The following ZNF135 variants were observed in gnomAD, a reference collection of about 807,000 sequenced individuals.
ZNF135 encodes the protein zinc finger protein 135 (clone pHZ-17).
In ZNF135, 11 loss-of-function variants were observed where a neutral mutation model predicts 12.3. That is an observed-to-expected ratio of 0.89 (90% CI 0.56 to 1.48). The LOEUF is 1.48. ZNF135 is among the 40% of genes most tolerant of loss of function. ZNF135 has a pLI of 0.00. For missense variants in ZNF135, 722 were observed against 815.7 expected (o/e 0.89, Z 1.40); for synonymous variants, 316 against 312.0 (o/e 1.01, Z -0.14).
chr19:58,062,891 G>T (rs1028482471), intron 3 of ZNF135, among the ~76,000 whole-genome samples: 19 of 151,702 alleles, frequency 1.3e-4, no homozygotes, highest in Non-Finnish European at 2.8e-4. Context: ...GGTCCTTGCT[G>T]TGTTGCCCAG....
intron 4 of ZNF135, among the ~76,000 whole-genome samples, chr19:58,064,846 C>T (rs1188079120): frequency 1.3e-5 from 2 of 152,096 alleles, no homozygotes; most frequent in African/African-American, 2.4e-5. Context: ...GCCAAGATCA[C>T]GCCACTGTGC....
Position 58,059,388 on chromosome 19 carries a change from T to C in ZNF135, c.-35+78T>C, listed in dbSNP as rs1438174459. On this transcript the variant is annotated intron_variant, in intron 1 of 4. Transcript: ENST00000313434. The surrounding 1 kb of genome is among the most constrained non-coding windows in gnomAD (Gnocchi z 6.5). Reference sequence around the variant, plus strand: ...GCCGGGTGCGGGGGGTCCGGGGATCTTCCTGAGGCCCTGGCGGGGCGAGTT... The same window carrying C: ...GCCGGGTGCGGGGGGTCCGGGGATCCTCCTGAGGCCCTGGCGGGGCGAGTT... 2.4e-6 allele frequency: 2 copies of C among 840,760 alleles called. No individual in the cohort carries two copies. Among genetic ancestry groups the C allele is most frequent in the East Asian group, 3.0e-5 (1 of 33,234 alleles). The allele number at this position is 840,760 out of a possible 1,614,324, so 52.1% of individuals were successfully genotyped here. A position where few individuals can be genotyped will look rare whatever the true frequency, so the allele number is the denominator to read the frequency against.
At position 58,063,577 on chromosome 19, in the gene ZNF135, G is replaced by A. The variant is rs1189603757; in HGVS notation, c.256+36G>A. Reference sequence around the variant, plus strand: ...AGCCCTTCGGGGCAGAGAGAAGCCTGTCCATGCTTGCTTCCTGGTTTCTCC... The same window carrying A: ...AGCCCTTCGGGGCAGAGAGAAGCCTATCCATGCTTGCTTCCTGGTTTCTCC... On this transcript the variant is annotated intron_variant, in intron 4 of 4. Transcript: ENST00000313434. The surrounding 1 kb of genome is among the most constrained non-coding windows in gnomAD (Gnocchi z 4.4). The A allele has an allele frequency of 1.2e-6, 2 of 1,612,168 alleles. No individual in the cohort carries two copies. Among genetic ancestry groups the A allele is most frequent in the Non-Finnish European group, 1.7e-6 (2 of 1,178,980 alleles).
chr19:58,060,092 C>T lies in ZNF135; in HGVS notation c.33+57C>T, dbSNP rs1568610728. The T allele has an allele frequency of 6.2e-7, 1 of 1,608,856 alleles. No homozygotes were observed. The highest frequency in any genetic ancestry group is 8.5e-7 in the Non-Finnish European group (1 of 1,179,390). On this transcript the variant is annotated intron_variant, in intron 2 of 4. Coordinates refer to ENST00000313434, the MANE Select transcript of ZNF135 (RefSeq NM_001289401.2). The surrounding 1 kb of genome is among the most constrained non-coding windows in gnomAD (Gnocchi z 4.9). ...CCACCTCGTGCCCGGCCTCCTCGCGCGCGGCCTTCTCACGCCCGGCCTCCT... is the reference window on the plus strand; with the variant it reads ...CCACCTCGTGCCCGGCCTCCTCGCGTGCGGCCTTCTCACGCCCGGCCTCCT...
chr19:58,060,263 T>C lies in ZNF135; in HGVS notation c.33+228T>C. 5 of 327,390 alleles carry C rather than the reference T, an allele frequency of 1.5e-5. No individual in the cohort carries two copies. The highest frequency in any genetic ancestry group is 1.8e-5 in the Non-Finnish European group (4 of 225,542). 20.3% of individuals were successfully genotyped at this position (327,390 alleles called of 1,614,324 possible). A position where few individuals can be genotyped will look rare whatever the true frequency, so the allele number is the denominator to read the frequency against. On this transcript the variant is annotated intron_variant, in intron 2 of 4. Coordinates refer to ENST00000313434, the MANE Select transcript of ZNF135 (RefSeq NM_001289401.2). This position sits in a 1 kb window ranked among gnomAD's most constrained non-coding sequence, Gnocchi z 4.9. ...GCCTCTACTGGTGCCCGGCCTCTAC[T>C]CGTGCCCGGCCTCTATTTGCACATC...
intron 4 of ZNF135, among the ~76,000 whole-genome samples, chr19:58,064,761 C>T (rs539629420): frequency 6.2e-4 from 94 of 151,726 alleles, no homozygotes; most frequent in African/African-American, 2.1e-3. Context: ...CATGGTGGCA[C>T]GCTCCTGTAG....
chr19:58,060,228 C>T lies in ZNF135; in HGVS notation c.33+193C>T, dbSNP rs2073950214. 3.5e-6 allele frequency: 5 copies of T among 1,438,538 alleles called. No homozygotes were observed. The highest frequency in any genetic ancestry group is 2.6e-5 in the East Asian group (1 of 38,724). 89.1% of individuals were successfully genotyped at this position (1,438,538 alleles called of 1,614,324 possible). On this transcript the variant is annotated intron_variant, in intron 2 of 4. Transcript: ENST00000313434. This position sits in a 1 kb window ranked among gnomAD's most constrained non-coding sequence, Gnocchi z 4.9. The stretch of plus-strand genomic sequence containing the variant: ...TCTACTCGCACAACTGGCCTCTACT[C>T]GCGCACCTGGCCTCTACTGGTGCCC...
rs1371384630 is a variant in ZNF135 at position 58,067,973 on chromosome 19, A to G, written c.1489A>G (p.Asn497Asp). ...CACAGGGGAGAAGCCCTATGAATGCAATGACTGCGGCAAGGCATTCAGTCA... is the reference window on the plus strand; with the variant it reads ...CACAGGGGAGAAGCCCTATGAATGCGATGACTGCGGCAAGGCATTCAGTCA... Reference protein sequence around the residue: ...IHTGEKPYECNDCGKAFSHSS... With the variant: ...IHTGEKPYECDDCGKAFSHSS... The change falls in exon 5 of 5, where the codon AAT becomes GAT. Residue 497 changes from asparagine (N) to aspartate (D), a missense_variant. Coordinates refer to ENST00000313434, the MANE Select transcript of ZNF135 (RefSeq NM_001289401.2). The G allele has an allele frequency of 6.2e-7, 1 of 1,613,722 alleles. No individual in the cohort carries two copies. The highest frequency in any genetic ancestry group is 8.5e-7 in the Non-Finnish European group (1 of 1,179,936).
Position 58,060,318 on chromosome 19 carries a change from G to A in ZNF135, c.33+283G>A, listed in dbSNP as rs2073953757. On this transcript the variant is annotated intron_variant, in intron 2 of 4. Coordinates refer to ENST00000313434, the MANE Select transcript of ZNF135 (RefSeq NM_001289401.2). This position sits in a 1 kb window ranked among gnomAD's most constrained non-coding sequence, Gnocchi z 4.9. ...CTCTACTCGTGTCCGGCCTCTACCT[G>A]CACACCCGGCCTCCTAAAGTCCGCG... is the stretch of plus-strand genomic sequence containing the variant. 1 of 1,341,094 alleles carries A rather than the reference G, an allele frequency of 7.5e-7. No homozygotes were observed. 83.1% of individuals were successfully genotyped at this position (1,341,094 alleles called of 1,614,324 possible).
Position 58,063,833 on chromosome 19 carries a change from A to G in ZNF135, c.256+292A>G, listed in dbSNP as rs2074023438. 2.0e-6 allele frequency: 1 copy of G among 500,982 alleles called. No homozygotes were observed. The highest frequency in any genetic ancestry group is 2.1e-5 in the African/African-American group (1 of 47,882). The allele number at this position is 500,982 out of a possible 1,614,324, so 31.0% of individuals were successfully genotyped here. ...AATGCCGAGAAAATGAAAATGAGCA[A>G]TGAGGTAGACTAGGAGGGGGATGAG... is the stretch of plus-strand genomic sequence containing the variant. On this transcript the variant is annotated intron_variant, in intron 4 of 4. Transcript: ENST00000313434. This position sits in a 1 kb window ranked among gnomAD's most constrained non-coding sequence, Gnocchi z 4.4.
In ZNF135 at chr19:58,060,381, G is replaced by A. The variant is rs2073955277; in HGVS notation, c.33+346G>A. The A allele has an allele frequency of 1.6e-6, 2 of 1,246,620 alleles. No homozygotes were observed. Among genetic ancestry groups the A allele is most frequent in the African/African-American group, 1.6e-5 (1 of 64,458 alleles). The allele number at this position is 1,246,620 out of a possible 1,614,324, so 77.2% of individuals were successfully genotyped here. ...ACCACAGCCTGCCTCTGAAAGGACC[G>A]CCCACGCCGCGCTGGAGGTCAGCGG... On this transcript the variant is annotated intron_variant, in intron 2 of 4. Coordinates refer to ENST00000313434, the MANE Select transcript of ZNF135 (RefSeq NM_001289401.2). This position sits in a 1 kb window ranked among gnomAD's most constrained non-coding sequence, Gnocchi z 4.9.
chr19:58,066,757 C>G lies in ZNF135; in HGVS notation c.273C>G (p.Pro91=), dbSNP rs2074073359. The part of the protein sequence containing the change: ...QGVYPDLETR[P]KVKLSVLKQG... ...TTCTTTCAGACTTGGAAACTAGACC[C>G]AAAGTCAAACTGTCAGTTCTAAAGC... is the stretch of plus-strand genomic sequence containing the variant. The change falls in exon 5 of 5, where the codon CCC becomes CCG. Residue 91 remains proline (P), a synonymous_variant. Coordinates refer to ENST00000313434, the MANE Select transcript of ZNF135 (RefSeq NM_001289401.2). 1 of 1,613,860 alleles carries G rather than the reference C, an allele frequency of 6.2e-7. No homozygotes were observed. The highest frequency in any genetic ancestry group is 8.5e-7 in the Non-Finnish European group (1 of 1,179,876).
intron 4 of ZNF135, among the ~76,000 whole-genome samples, chr19:58,064,766 C>T (rs1296415544): frequency 5.3e-5 from 8 of 151,990 alleles, no homozygotes; most frequent in Non-Finnish European, 1.0e-4. Flanking sequence ...TGGCACGCTC[C>T]TGTAGTCCCA....
chr19:58,061,001 G>T (rs11668843), intron 2 of ZNF135, among the ~76,000 whole-genome samples: 78,605 of 151,642 alleles, frequency 0.52, 21,090 homozygotes, highest in Non-Finnish European at 0.58. Context: ...GGTGGCGGGC[G>T]CCTGTAGTCC....
rs1468105589 is a variant in ZNF135 at position 58,069,293 on chromosome 19, C to T, written c.*832C>T. The T allele has an allele frequency of 6.6e-6, 1 of 152,176 alleles. No homozygotes were observed. The highest frequency in any genetic ancestry group is 2.4e-5 in the African/African-American group (1 of 41,430). The allele number at this position is 152,176 out of a possible 1,614,324, so 9.4% of individuals were successfully genotyped here. A position where few individuals can be genotyped will look rare whatever the true frequency, so the allele number is the denominator to read the frequency against. On this transcript the variant is annotated 3_prime_UTR_variant, in exon 5 of 5. Transcript: ENST00000313434. ...GATGGCTTTTGCTGCTCTGTTCTCCCTCTACATTTCTCTGCAGAACTCGCG... is the reference window on the plus strand; with the variant it reads ...GATGGCTTTTGCTGCTCTGTTCTCCTTCTACATTTCTCTGCAGAACTCGCG...
rs1245725245 is a variant in ZNF135 at position 58,066,884 on chromosome 19, G to C, written c.400G>C (p.Glu134Gln). The change falls in exon 5 of 5, where the codon GAA becomes CAA. Residue 134 changes from glutamate to glutamine, a missense_variant. Transcript: ENST00000313434. ...CRGEDTEGHW[E>Q]WSCESLESLA... ...GGGTGAGGACACTGAGGGCCACTGG[G>C]AATGGAGTTGTGAGAGTCTAGAGAG... 3.7e-6 allele frequency: 6 copies of C among 1,614,090 alleles called. No individual in the cohort carries two copies. The highest frequency in any genetic ancestry group is 1.7e-5 in the Admixed American group (1 of 60,006).
At position 58,068,062 on chromosome 19, in the gene ZNF135, G is replaced by A. The variant is rs147274138; in HGVS notation, c.1578G>A (p.Gln526=). Reference sequence around the variant, plus strand: ...GGGAGAAGCCCTACGAATGCAACCAGTGTGGCAGAGCCTTCAGCCAGCTTG... The same window carrying A: ...GGGAGAAGCCCTACGAATGCAACCAATGTGGCAGAGCCTTCAGCCAGCTTG... ...HTGEKPYECN[Q]CGRAFSQLAP... is the part of the protein sequence containing the mutation. Residue 526 remains glutamine (Q), a synonymous_variant, in exon 5 of 5, where the codon CAG becomes CAA. Coordinates refer to ENST00000313434, the MANE Select transcript of ZNF135 (RefSeq NM_001289401.2). The A allele has an allele frequency of 7.4e-6, 12 of 1,613,938 alleles. No individual in the cohort carries two copies. The African/African-American group carries it at 1.5e-4, about 20-fold the overall frequency.
intron 4 of ZNF135, among the ~76,000 whole-genome samples, chr19:58,064,358 A>T (rs2074032547): frequency 6.6e-6 from 1 of 152,096 alleles, no homozygotes; most frequent in Admixed American, 6.6e-5. Context: ...GTGTGGGTCC[A>T]TTTATACATG....
At chr19:58,062,631 T>G (rs544822099) in intron 3 of ZNF135, among the ~76,000 whole-genome samples, 4 of 151,922 alleles carry the variant, frequency 2.6e-5, no homozygotes, top group African/African-American at 9.7e-5. Flanking sequence ...GACCTCGTGA[T>G]GCACCCACCT....
Sources: allele counts gnomAD v4.1 joint callset (sites outside exome capture counted in the v4.1 genomes callset), GRCh38; gene constraint gnomAD v4.1.1; non-coding constraint Gnocchi (gnomAD v3.1); transcripts MANE v1.5; gene names NCBI Gene and HGNC (gene_info 2026-07-23, HGNC 2026-07-21).